Variants in CNPY1 observed in about 807,000 individuals in gnomAD.
CNPY1 encodes the protein canopy FGF signaling regulator 1.
A neutral mutation model predicts 14.4 loss-of-function variants in CNPY1; 14 were observed. The observed-to-expected ratio is 0.97, with a 90% CI of 0.64 to 1.52. CNPY1 has a LOEUF of 1.52. Ranked by LOEUF, CNPY1 falls within the 40% of genes most tolerant of loss-of-function variation. The pLI is 0.00. For synonymous variants in CNPY1, 43 were observed against 46.5 expected, an observed-to-expected ratio of 0.92 and a Z score of 0.31; for missense variants, 129 against 131.5, an observed-to-expected ratio of 0.98 and a Z score of 0.09.
At chr7:155,545,637 T>G (rs1490414259) in intron 2 of CNPY1, among the ~76,000 whole-genome samples, 194 bp downstream of exon 2, 3 of 152,166 alleles carry the variant, frequency 2.0e-5, no homozygotes, top group Admixed American at 1.3e-4. Context: ...ACACAAAATT[T>G]AGGTGCTGAG....
intron 2 of CNPY1, among the ~76,000 whole-genome samples, chr7:155,529,813 C>T (rs1796904766): frequency 6.6e-6 from 1 of 150,876 alleles, no homozygotes; most frequent in Non-Finnish European, 1.5e-5. Context: ...GACAGAGTCT[C>T]ACTCTGTCGC....
intron 2 of CNPY1, among the ~76,000 whole-genome samples, chr7:155,545,590 TGAA>T (rs749245454): frequency 2.0e-5 from 3 of 152,162 alleles, no homozygotes; most frequent in Non-Finnish European, 4.4e-5. Flanking sequence ...TTTATTCTGA[TGAA>T]GAACAGTGCC....
At chr7:155,541,536 C>T (rs67911208) in intron 2 of CNPY1, among the ~76,000 whole-genome samples, 17,507 of 152,306 alleles carry the variant, frequency 0.11, 1,386 homozygotes, top group African/African-American at 0.22. Context: ...CCCCACACCA[C>T]ATGACCCACA....
chr7:155,545,461 G>A (rs1252553332), intron 2 of CNPY1, among the ~76,000 whole-genome samples: 3 of 152,238 alleles, frequency 2.0e-5, no homozygotes, highest in African/African-American at 7.2e-5. Flanking sequence ...ACATCTTGCA[G>A]TGGGGGAGGG....
chr7:155,521,876 C>T lies in CNPY1; in HGVS notation c.100-12779G>A, dbSNP rs551044599. On this transcript the variant is annotated intron_variant, in intron 2 of 4. Coordinates refer to ENST00000636446, the MANE Select transcript of CNPY1 (RefSeq NM_001393663.1). Reference sequence around the variant, plus strand: ...TTCCAGCATGCCAGCCTCACTTCAGCGGCCTTGCACCTGCAGTTTGCAACC... The same window carrying T: ...TTCCAGCATGCCAGCCTCACTTCAGTGGCCTTGCACCTGCAGTTTGCAACC... Among the ~76,000 whole-genome samples, 8 of 152,308 alleles carry T rather than the reference C, an allele frequency of 5.3e-5. No individual in the cohort carries two copies. The East Asian group carries it at 1.2e-3, about 22-fold the overall frequency.
chr7:155,534,569 C>T (rs1797000796), intron 2 of CNPY1, among the ~76,000 whole-genome samples: 1 of 152,230 alleles, frequency 6.6e-6, no homozygotes, highest in Non-Finnish European at 1.5e-5. Context: ...GGATCAGCTG[C>T]AGGGGCTGAG....
chr7:155,545,311 C>T (rs941111742), intron 2 of CNPY1, among the ~76,000 whole-genome samples: 10 of 152,230 alleles, frequency 6.6e-5, no homozygotes, highest in East Asian at 3.8e-4. Flanking sequence ...ACCCTTCCAG[C>T]GCCCCACTCA....
intron 2 of CNPY1, among the ~76,000 whole-genome samples, chr7:155,539,758 G>C (rs976884318): frequency 1.3e-5 from 2 of 152,212 alleles, no homozygotes; most frequent in African/African-American, 4.8e-5. Flanking sequence ...CTCCAACAAG[G>C]GCAAGATGGT....
At chr7:155,529,794 A>G (rs1796904420) in intron 2 of CNPY1, among the ~76,000 whole-genome samples, 1 of 147,258 alleles carries the variant, frequency 6.8e-6, no homozygotes, top group African/African-American at 2.5e-5. Context: ...TTTTTCTTTA[A>G]TTTTTTGAGA....
In CNPY1 at chr7:155,509,223, G is replaced by C. The variant is rs1796439587; in HGVS notation, c.100-126C>G. On this transcript the variant is annotated intron_variant, in intron 2 of 4. Coordinates refer to ENST00000636446, the MANE Select transcript of CNPY1 (RefSeq NM_001393663.1). ...CAAACGTGTGCCACTTCCCTAGCAC[G>C]GGCCCAGAAGACGGTACCGCAGATT... 6 of 561,002 alleles carry C rather than the reference G, an allele frequency of 1.1e-5. No individual in the cohort carries two copies. The Admixed American group carries it at 1.1e-4, about 10-fold the overall frequency. The allele number at this position is 561,002 out of a possible 1,614,324, so 34.8% of individuals were successfully genotyped here.
rs1796728922 is a variant in CNPY1 at position 155,521,718 on chromosome 7, C to CCATA, written c.100-12625_100-12622dup. On this transcript the variant is annotated intron_variant, in intron 2 of 4. Coordinates refer to ENST00000636446, the MANE Select transcript of CNPY1 (RefSeq NM_001393663.1). ...TGATGTGAAATTCAAATTTCATTGT[C>CCATA]CATACATAAAGTTTCGTGGGACACA... Among the ~76,000 whole-genome samples the CCATA allele has an allele frequency of 2.0e-5, 3 of 152,370 alleles. No individual in the cohort carries two copies. The South Asian group carries it at 6.2e-4, about 32-fold the overall frequency.
chr7:155,525,632 C>T (rs1408279106), intron 2 of CNPY1, among the ~76,000 whole-genome samples: 1 of 152,224 alleles, frequency 6.6e-6, no homozygotes, highest in Non-Finnish European at 1.5e-5. Context: ...ATCTCAGGCC[C>T]ACACCCAACA....
intron 2 of CNPY1, among the ~76,000 whole-genome samples, chr7:155,524,713 A>T (rs1299640899): frequency 6.6e-6 from 1 of 152,250 alleles, no homozygotes; most frequent in Non-Finnish European, 1.5e-5. Flanking sequence ...TTTATATATT[A>T]CAATGTAATA....
chr7:155,521,325 A>T (rs1238489342), intron 2 of CNPY1, among the ~76,000 whole-genome samples: 1 of 152,230 alleles, frequency 6.6e-6, no homozygotes, highest in Non-Finnish European at 1.5e-5. Flanking sequence ...TCTAATGGGA[A>T]GGACCAGGTT....
rs189092548 is a variant in CNPY1, at chr7:155,502,887, C to A, written c.*181G>T. The A allele has an allele frequency of 1.8e-6, 1 of 544,518 alleles. No homozygotes were observed. Among genetic ancestry groups the A allele is most frequent in the South Asian group, 3.0e-5 (1 of 32,882 alleles). 33.7% of individuals were successfully genotyped at this position (544,518 alleles called of 1,614,324 possible). A position where few individuals can be genotyped will look rare whatever the true frequency, so the allele number is the denominator to read the frequency against. On this transcript the variant is annotated 3_prime_UTR_variant, in exon 5 of 5. Coordinates refer to ENST00000636446, the MANE Select transcript of CNPY1 (RefSeq NM_001393663.1). Reference sequence around the variant, plus strand: ...CTCCTCAGCTTCACCTATAAAAAAACGCAGGGTTTGTCATGATGTCAACCA... The same window carrying A: ...CTCCTCAGCTTCACCTATAAAAAAAAGCAGGGTTTGTCATGATGTCAACCA...
At chr7:155,528,210 T>C (rs1393358048) in intron 2 of CNPY1, among the ~76,000 whole-genome samples, 1 of 152,222 alleles carries the variant, frequency 6.6e-6, no homozygotes, top group African/African-American at 2.4e-5. Context: ...ACTTCAACAA[T>C]GGGCAGGAGA....
chr7:155,531,201 C>T (rs1021682811), intron 2 of CNPY1, among the ~76,000 whole-genome samples: 4 of 152,176 alleles, frequency 2.6e-5, no homozygotes, highest in East Asian at 1.9e-4. Flanking sequence ...AGCTGAGAGC[C>T]GGTGCTGCAA....
chr7:155,531,996 C>G (rs754690782), intron 2 of CNPY1, among the ~76,000 whole-genome samples: 1 of 152,218 alleles, frequency 6.6e-6, no homozygotes, highest in African/African-American at 2.4e-5. Flanking sequence ...GTGTGAGAAC[C>G]GGATCAACCT....
chr7:155,539,097 T>C (rs1797056588), intron 2 of CNPY1, among the ~76,000 whole-genome samples: 1 of 149,756 alleles, frequency 6.7e-6, no homozygotes, highest in African/African-American at 2.4e-5. Flanking sequence ...ATAGAAAGCG[T>C]AGGCCGCTAA....
Sources: allele counts gnomAD v4.1 joint callset (sites outside exome capture counted in the v4.1 genomes callset), GRCh38; gene constraint gnomAD v4.1.1; transcripts MANE v1.5; gene names NCBI Gene and HGNC (gene_info 2026-07-23, HGNC 2026-07-21).